The following ZFYVE9 variants were observed in gnomAD, a reference collection of about 807,000 sequenced individuals.
ZFYVE9 encodes zinc finger FYVE domain-containing protein 9.
Under a neutral mutation model 126.7 loss-of-function variants are expected in ZFYVE9, and 43 were observed. The ratio of observed to expected loss-of-function variants is 0.34; its 90% CI spans 0.27 to 0.44. The LOEUF (loss-of-function observed/expected upper bound fraction) is 0.44, where lower values mean the gene tolerates loss of function less well. Among genes scored for constraint, ZFYVE9 ranks in the 20% least tolerant of loss-of-function variants. The probability of loss-of-function intolerance (pLI) is 1.00; values close to 1 mark genes in which losing one functional copy is unlikely to be tolerated. For missense variants in ZFYVE9, 1,476 were observed against 1,697.0 expected (o/e 0.87, Z 2.29); for synonymous variants, 521 against 597.4 (o/e 0.87, Z 1.87).
intron 1 of ZFYVE9, among the ~76,000 whole-genome samples, chr1:52,195,313 A>T (rs1305834536): frequency 6.6e-6 from 1 of 152,244 alleles, no homozygotes; most frequent in Admixed American, 6.5e-5. Context: ...GTGGTTAAGA[A>T]TCTGAGACGT....
intron 12 of ZFYVE9, among the ~76,000 whole-genome samples, chr1:52,297,097 C>T (rs1645984204): frequency 6.6e-6 from 1 of 151,844 alleles, no homozygotes; most frequent in African/African-American, 2.4e-5. Context: ...TGAGCCACTG[C>T]TCCCAGCTGC....
chr1:52,334,541 C>T (rs1646371930), intron 14 of ZFYVE9, 147 bp from the exon 15 acceptor site: 1 of 700,658 alleles, frequency 1.4e-6, no homozygotes, highest in South Asian at 1.9e-5. Flanking sequence ...TTGTTGGTTA[C>T]ATGTTTATTG....
At chr1:52,235,360 G>A (rs1645264186) in intron 3 of ZFYVE9, among the ~76,000 whole-genome samples, 1 of 152,162 alleles carries the variant, frequency 6.6e-6, no homozygotes, top group Non-Finnish European at 1.5e-5. Context: ...CAGGTAGGAG[G>A]CAGTTGAATA....
intron 12 of ZFYVE9, among the ~76,000 whole-genome samples, chr1:52,297,157 T>C (rs758517778): frequency 3.9e-5 from 6 of 151,914 alleles, no homozygotes; most frequent in Non-Finnish European, 7.4e-5. Context: ...ACTACCTAAC[T>C]ACCTAATGGG....
intron 1 of ZFYVE9, among the ~76,000 whole-genome samples, chr1:52,185,265 G>T (rs896399035): frequency 5.3e-5 from 8 of 152,060 alleles, no homozygotes; most frequent in Non-Finnish European, 1.2e-4. Context: ...CAAAGGGTTG[G>T]AACAGATATT....
At chr1:52,243,575 A>G (rs1320722962) in intron 4 of ZFYVE9, among the ~76,000 whole-genome samples, 2 of 152,188 alleles carry the variant, frequency 1.3e-5, no homozygotes, top group South Asian at 2.1e-4. Flanking sequence ...GAAGGCACCT[A>G]TTCAACAAAC....
intron 7 of ZFYVE9, among the ~76,000 whole-genome samples, chr1:52,270,533 G>A (rs1304941643): frequency 6.6e-6 from 1 of 152,020 alleles, no homozygotes; most frequent in Non-Finnish European, 1.5e-5. Context: ...CAAAGTGCTG[G>A]GATTACAGGC....
At chr1:52,342,952 G>GC (rs1646452074) in intron 17 of ZFYVE9, among the ~76,000 whole-genome samples, 1 of 151,466 alleles carries the variant, frequency 6.6e-6, no homozygotes, top group Non-Finnish European at 1.5e-5. Flanking sequence ...TGTCACCCAG[G>GC]CTGGAGTGCA....
chr1:52,228,893 C>CTTTT (rs11438635), intron 2 of ZFYVE9, among the ~76,000 whole-genome samples: 3 of 142,470 alleles, frequency 2.1e-5, no homozygotes, highest in African/African-American at 7.7e-5. Context: ...ATCTTTTTTC[C>CTTTT]TTTTTTTTTT....
chr1:52,205,701 GT>G (rs1441115861), intron 1 of ZFYVE9, among the ~76,000 whole-genome samples: 1 of 152,114 alleles, frequency 6.6e-6, no homozygotes, highest in Non-Finnish European at 1.5e-5. Context: ...TCTAAGAAGA[GT>G]TGTTGATATT....
intron 4 of ZFYVE9, among the ~76,000 whole-genome samples, chr1:52,254,533 A>G (rs1360415749): frequency 1.3e-5 from 2 of 152,090 alleles, no homozygotes; most frequent in Non-Finnish European, 2.9e-5. Context: ...CTGCCAAACA[A>G]AAGGGGACGT....
intron 9 of ZFYVE9, among the ~76,000 whole-genome samples, chr1:52,279,574 C>T (rs2147814825): frequency 6.6e-6 from 1 of 152,262 alleles, no homozygotes. Flanking sequence ...AGCAGTTCTC[C>T]CACGTCAGCC....
At chr1:52,269,316 G>A (rs536034838) in intron 7 of ZFYVE9, among the ~76,000 whole-genome samples, 2 of 151,978 alleles carry the variant, frequency 1.3e-5, no homozygotes, top group South Asian at 4.2e-4. Context: ...TTTTAGTAGA[G>A]ACAGGGTTTC....
At chr1:52,295,320 T>C (rs1645962481) in intron 11 of ZFYVE9, among the ~76,000 whole-genome samples, 1 of 150,480 alleles carries the variant, frequency 6.6e-6, no homozygotes, top group South Asian at 2.1e-4. Flanking sequence ...TGAAGAAGAT[T>C]GCTCCCTAAG....
chr1:52,266,558 A>G (rs1403347701), intron 5 of ZFYVE9, 97 bp from the exon 6 acceptor site: 2 of 1,063,722 alleles, frequency 1.9e-6, no homozygotes, highest in Non-Finnish European at 2.6e-6. Context: ...TATGAGTATT[A>G]ATTAGGAGAA....
At chr1:52,223,332 G>C (rs1175797903) in intron 2 of ZFYVE9, among the ~76,000 whole-genome samples, 1 of 152,048 alleles carries the variant, frequency 6.6e-6, no homozygotes, top group Non-Finnish European at 1.5e-5. Context: ...CTGTATAGGG[G>C]TCAGACAGCC....
In ZFYVE9 at chr1:52,155,267, G is replaced by A. The variant is rs1244026411; in HGVS notation, c.-143+12864G>A. On this transcript the variant is annotated intron_variant, in intron 1 of 18. Coordinates refer to ENST00000287727, the MANE Select transcript of ZFYVE9 (RefSeq NM_004799.4). ...TTTTTTTTTTTTGAGACGGAGTCTC[G>A]CTGTCGCCCAGGCTGGAGTGCAGTG... 2.2e-5 allele frequency among the ~76,000 whole-genome samples: 3 copies of A among 134,468 alleles called. No homozygotes were observed. The Admixed American group carries it at 2.6e-4, about 12-fold the overall frequency. 88.2% of individuals were successfully genotyped at this position (134,468 alleles called of 152,430 possible).
At chr1:52,239,690 G>T in intron 4 of ZFYVE9, 95 bp downstream of exon 4, 2 of 1,373,324 alleles carry the variant, frequency 1.5e-6, no homozygotes, top group East Asian at 4.9e-5. Flanking sequence ...ATATATGTCT[G>T]GTTGAGTTGA....
At chr1:52,162,955 C>T (rs12092020) in intron 1 of ZFYVE9, 8,188 of 475,040 alleles carry the variant, frequency 0.017, 278 homozygotes, top group African/African-American at 0.1. Context: ...AGCAGGAGTT[C>T]CTGTTGGAGA....
Sources: allele counts gnomAD v4.1 joint callset (sites outside exome capture counted in the v4.1 genomes callset), GRCh38; gene constraint gnomAD v4.1.1; transcripts MANE v1.5; gene names NCBI Gene and HGNC (gene_info 2026-07-23, HGNC 2026-07-21).